HOOK1: variants seen among roughly 807,000 people sequenced by gnomAD.
The protein encoded by HOOK1 is protein Hook homolog 1.
A neutral mutation model predicts 112.8 loss-of-function variants in HOOK1; 60 were observed. That is an observed-to-expected ratio of 0.53 (90% CI 0.43 to 0.66). The LOEUF (loss-of-function observed/expected upper bound fraction) is 0.66. Ranked by LOEUF, HOOK1 falls within the 30% of genes least tolerant of loss-of-function variation. The probability of loss-of-function intolerance (pLI) is 0.00; values close to 1 mark genes in which losing one functional copy is unlikely to be tolerated. For missense variants in HOOK1, 770 were observed against 856.0 expected (o/e 0.90, Z 1.25); for synonymous variants, 294 against 283.8 (o/e 1.04, Z -0.36).
chr1:59,837,938 T>A (rs2102027570), intron 7 of HOOK1, among the ~76,000 whole-genome samples: 1 of 152,130 alleles, frequency 6.6e-6, no homozygotes, highest in African/African-American at 2.4e-5. Flanking sequence ...AGTGAGAACA[T>A]GTGGTGGTTG....
chr1:59,852,079 T>C (rs745621419), intron 12 of HOOK1, among the ~76,000 whole-genome samples: 2 of 151,774 alleles, frequency 1.3e-5, no homozygotes, highest in Non-Finnish European at 3.0e-5. Flanking sequence ...AAATATTTCA[T>C]TGAAGATTTT....
At chr1:59,870,480 A>G (rs1211842939) in intron 20 of HOOK1, among the ~76,000 whole-genome samples, 2 of 152,196 alleles carry the variant, frequency 1.3e-5, no homozygotes, top group African/African-American at 4.8e-5. Context: ...CATCCTATGT[A>G]TCAAGATAAT....
intron 16 of HOOK1, 39 bp from the exon 17 acceptor site, chr1:59,864,593 A>G: frequency 7.4e-7 from 1 of 1,347,980 alleles, no homozygotes; most frequent in Non-Finnish European, 1.1e-6. Flanking sequence ...ACCTTTGTCA[A>G]GATAGTCATC....
chr1:59,865,124 A>G, intron 17 of HOOK1, 39 bp from the exon 18 acceptor site: 3 of 1,242,510 alleles, frequency 2.4e-6, no homozygotes, highest in Non-Finnish European at 3.6e-6. Flanking sequence ...CAAATGTTAT[A>G]TGGCAGAGAC....
chr1:59,823,272 A>T (rs1012323820), intron 2 of HOOK1, among the ~76,000 whole-genome samples: 2 of 152,270 alleles, frequency 1.3e-5, no homozygotes, highest in Non-Finnish European at 2.9e-5. Context: ...GTGAGCCGAG[A>T]TCCTGCCACT....
At chr1:59,833,012 T>C (rs2098395133) in intron 4 of HOOK1, among the ~76,000 whole-genome samples, 1 of 152,126 alleles carries the variant, frequency 6.6e-6, no homozygotes, top group Non-Finnish European at 1.5e-5. Flanking sequence ...AGTACAGTGA[T>C]TTACATTGTG....
intron 9 of HOOK1, among the ~76,000 whole-genome samples, chr1:59,846,083 G>A (rs1003851877): frequency 2.6e-5 from 4 of 151,648 alleles, no homozygotes; most frequent in African/African-American, 9.7e-5. Flanking sequence ...GTTCAGTTTG[G>A]TAAGTTGTAT....
intron 12 of HOOK1, among the ~76,000 whole-genome samples, chr1:59,855,441 A>G (rs150043307): frequency 1.4e-3 from 220 of 152,186 alleles, no homozygotes; most frequent in African/African-American, 5.0e-3. Flanking sequence ...ACCTCCATCC[A>G]TGTTCCTGCA....
chr1:59,862,894 T>C lies in HOOK1; in HGVS notation c.1626+17T>C, dbSNP rs1318200375. On this transcript the variant is annotated intron_variant, in intron 16 of 21. Coordinates refer to ENST00000371208, the MANE Select transcript of HOOK1 (RefSeq NM_015888.6). ...GGCGAAAGTGTAAGTAACTTAGAAA[T>C]TATAATAATTCTGCTGTGTATGGCT... The C allele has an allele frequency of 3.5e-6, 5 of 1,418,526 alleles. No homozygotes were observed. Among genetic ancestry groups the C allele is most frequent in the Non-Finnish European group, 5.0e-6 (5 of 1,002,526 alleles). 87.9% of individuals were successfully genotyped at this position (1,418,526 alleles called of 1,614,324 possible).
At chr1:59,822,079 G>A in intron 2 of HOOK1, 136 bp downstream of exon 2, 4 of 684,564 alleles carry the variant, frequency 5.8e-6, no homozygotes, top group South Asian at 3.4e-5. Context: ...TGGCACCAAG[G>A]CATTCTTGCA....
chr1:59,872,470 T>G (rs867552999), intron 21 of HOOK1, among the ~76,000 whole-genome samples: 20 of 152,214 alleles, frequency 1.3e-4, no homozygotes, highest in African/African-American at 4.8e-4. Context: ...GCCATTCTGT[T>G]GTGACATGTC....
At position 59,815,430 on chromosome 1, in the gene HOOK1, A is replaced by G. The variant is rs1338618048; in HGVS notation, c.63+250A>G. On this transcript the variant is annotated intron_variant, in intron 1 of 21. Coordinates refer to ENST00000371208, the MANE Select transcript of HOOK1 (RefSeq NM_015888.6). ...CGTAACAGTGGAGGCTCTGGTCTCA[A>G]CCAGAGGATTCGACCTGCCTGGTGC... 1.5e-5 allele frequency: 8 copies of G among 546,780 alleles called. No individual in the cohort carries two copies. In the Admixed American group the frequency reaches 1.7e-4, roughly 11 times the overall value. 33.9% of individuals were successfully genotyped at this position (546,780 alleles called of 1,614,324 possible).
intron 8 of HOOK1, 82 bp downstream of exon 8, chr1:59,840,473 T>A: frequency 1.3e-6 from 1 of 779,936 alleles, no homozygotes; most frequent in Non-Finnish European, 1.9e-6. Flanking sequence ...TAGTTAGCAC[T>A]ATGTTTTGTA....
chr1:59,842,058 A>T lies in HOOK1; in HGVS notation c.622-1374A>T, dbSNP rs536948125. On this transcript the variant is annotated intron_variant, in intron 8 of 21. Transcript: ENST00000371208. ...CACATTGAAGCATATGGATAGGAGC[A>T]AGATTGGTTATTCACCAGGTGTTCA... is the stretch of plus-strand genomic sequence containing the variant. 1.3e-4 allele frequency among the ~76,000 whole-genome samples: 20 copies of T among 152,218 alleles called. No individual in the cohort carries two copies. In the South Asian group the frequency reaches 3.9e-3, roughly 30 times the overall value.
chr1:59,867,825 C>G (rs1041553771), intron 19 of HOOK1, among the ~76,000 whole-genome samples: 3 of 152,058 alleles, frequency 2.0e-5, no homozygotes, highest in Non-Finnish European at 2.9e-5. Flanking sequence ...CTAAGAATTT[C>G]TTCTGTGTGT....
chr1:59,833,655 C>T, intron 5 of HOOK1, 118 bp downstream of exon 5: 1 of 817,874 alleles, frequency 1.2e-6, no homozygotes, highest in East Asian at 2.9e-5. Flanking sequence ...GAAACGTAAA[C>T]CAGAAGATCT....
intron 15 of HOOK1, among the ~76,000 whole-genome samples, chr1:59,862,508 TG>T (rs1165162969): frequency 6.6e-6 from 1 of 152,102 alleles, no homozygotes. Flanking sequence ...TACCAGTGAG[TG>T]CGGTGTAGAA....
chr1:59,824,768 A>T (rs1244086602), intron 2 of HOOK1, among the ~76,000 whole-genome samples: 1 of 152,166 alleles, frequency 6.6e-6, no homozygotes, highest in African/African-American at 2.4e-5. Context: ...CTTAATTATT[A>T]TCTTCAATTT....
At chr1:59,861,935 A>G (rs896003442) in intron 15 of HOOK1, among the ~76,000 whole-genome samples, 6 of 152,168 alleles carry the variant, frequency 3.9e-5, no homozygotes, top group African/African-American at 1.2e-4. Context: ...AAATATTACT[A>G]TTTTATTCAG....
Sources: gnomAD v4.1 joint callset for allele counts (sites outside exome capture counted in the v4.1 genomes callset) on GRCh38, gnomAD v4.1.1 for gene constraint, MANE v1.5 for transcripts, NCBI Gene and HGNC (gene_info 2026-07-23, HGNC 2026-07-21) for gene names.